Variants in ELF1 observed in about 807,000 individuals in gnomAD.
The protein encoded by ELF1 is E74 like ETS transcription factor 1.
A neutral mutation model predicts 59.9 loss-of-function variants in ELF1; 24 were observed. The ratio of observed to expected loss-of-function variants is 0.40; its 90% CI spans 0.29 to 0.56. The LOEUF (loss-of-function observed/expected upper bound fraction) is 0.56. ELF1 is among the 20% of genes least tolerant of loss of function. The probability of loss-of-function intolerance (pLI) is 0.44; values close to 1 mark genes in which losing one functional copy is unlikely to be tolerated. For missense variants in ELF1, 627 were observed against 742.2 expected (o/e 0.84, Z 1.80); for synonymous variants, 248 against 266.2 (o/e 0.93, Z 0.67).
intron 1 of ELF1, chr13:40,992,931 C>A: frequency 2.7e-6 from 2 of 734,182 alleles, no homozygotes; most frequent in South Asian, 3.1e-5. Context: ...ATCATTCTAG[C>A]CTTTTCTCTT....
At chr13:41,056,915 C>CCGAGACAAGGAT (rs1877305520) in intron 1 of ELF1, among the ~76,000 whole-genome samples, 1 of 152,030 alleles carries the variant, frequency 6.6e-6, no homozygotes, top group Admixed American at 6.6e-5. Flanking sequence ...AAACAAAACT[C>CCGAGACAAGGAT]CGAGACAAGG....
chr13:40,997,661 G>C (rs944603808), intron 1 of ELF1, among the ~76,000 whole-genome samples: 4 of 152,010 alleles, frequency 2.6e-5, no homozygotes, highest in African/African-American at 9.7e-5. Flanking sequence ...CCAAGTGCTG[G>C]GATTACAGGT....
At chr13:40,934,745 T>A (rs1869654321) in intron 8 of ELF1, among the ~76,000 whole-genome samples, 1 of 152,182 alleles carries the variant, frequency 6.6e-6, no homozygotes, top group South Asian at 2.1e-4. Context: ...TGAGAGATAA[T>A]GTTACCAACA....
chr13:40,956,453 C>A (rs1340647545), intron 3 of ELF1, among the ~76,000 whole-genome samples: 1 of 151,898 alleles, frequency 6.6e-6, no homozygotes, highest in Non-Finnish European at 1.5e-5. Context: ...GCAGGGTCCT[C>A]TGCCTAGGAA....
At position 40,989,248 on chromosome 13, in the gene ELF1, G is replaced by A. The variant is rs527923654; in HGVS notation, c.-228-6966C>T. ...AAAAAAGAATAGTCATACTTTCTCAGCTCCTGCTTTCTCTAAACCAGGTAC... is the reference window on the plus strand; with the variant it reads ...AAAAAAGAATAGTCATACTTTCTCAACTCCTGCTTTCTCTAAACCAGGTAC... On this transcript the variant is annotated intron_variant, in intron 1 of 8. Coordinates refer to ENST00000239882, the MANE Select transcript of ELF1 (RefSeq NM_172373.4). Among the ~76,000 whole-genome samples the A allele has an allele frequency of 1.3e-4, 20 of 152,270 alleles. No individual in the cohort carries two copies. In the East Asian group the frequency reaches 3.7e-3, roughly 28 times the overall value.
At chr13:40,947,174 T>C (rs1870559208) in intron 5 of ELF1, among the ~76,000 whole-genome samples, 2 of 151,104 alleles carry the variant, frequency 1.3e-5, no homozygotes, top group African/African-American at 4.9e-5. Flanking sequence ...TTATTTGCAG[T>C]TGCCCCAAAC....
intron 1 of ELF1, among the ~76,000 whole-genome samples, chr13:41,010,279 G>GAA (rs199811451): frequency 3.1e-5 from 4 of 128,924 alleles, no homozygotes; most frequent in African/African-American, 5.7e-5. Flanking sequence ...AGAAAGAAAG[G>GAA]AAAAAAAAAA....
At chr13:40,968,057 C>G (rs1255901466) in intron 2 of ELF1, among the ~76,000 whole-genome samples, 1 of 152,166 alleles carries the variant, frequency 6.6e-6, no homozygotes, top group African/African-American at 2.4e-5. Flanking sequence ...CAACATTTAG[C>G]TTCAACTAAA....
intron 1 of ELF1, among the ~76,000 whole-genome samples, chr13:41,034,058 A>C (rs1876276078): frequency 1.3e-5 from 2 of 152,210 alleles, no homozygotes. Context: ...TGAAAAATAA[A>C]ATGAAATTTT....
At chr13:40,990,837 C>T (rs9532695) in intron 1 of ELF1, among the ~76,000 whole-genome samples, 77,655 of 131,256 alleles carry the variant, frequency 0.59, 24,231 homozygotes, top group Middle Eastern at 0.71. Context: ...GGTGACAGAG[C>T]GAGACTCTGT....
rs547789809 is a variant in ELF1 at position 40,957,590 on chromosome 13, G to A, written c.253+1246C>T. Among the ~76,000 whole-genome samples, 28 of 151,932 alleles carry A rather than the reference G, an allele frequency of 1.8e-4. No homozygotes were observed. The South Asian group carries it at 5.4e-3, about 29-fold the overall frequency. On this transcript the variant is annotated intron_variant, in intron 3 of 8. Coordinates refer to ENST00000239882, the MANE Select transcript of ELF1 (RefSeq NM_172373.4). ...CTGTTCCTCCTGCTCCAGCCATGTA[G>A]GATGTGCCTGCTTCCCCTTCGCCTT... is the stretch of plus-strand genomic sequence containing the variant.
intron 1 of ELF1, among the ~76,000 whole-genome samples, chr13:41,047,559 G>A (rs915753218): frequency 2.0e-5 from 3 of 152,180 alleles, no homozygotes; most frequent in Admixed American, 1.3e-4. Flanking sequence ...GACCCTGTGT[G>A]CCCGGGTATC....
chr13:41,060,914 T>TGCCGCTGCTGCCGCTGCCGCCGCC (rs1555283652), exon 1 of ELF1: 3 of 335,536 alleles, frequency 8.9e-6, no homozygotes, highest in African/African-American at 6.8e-5. Flanking sequence ...AAGCTGCTGC[T>TGCCGCTGCTGCCGCTGCCGCCGCC]GCCGCCGCCG....
intron 1 of ELF1, among the ~76,000 whole-genome samples, chr13:40,995,695 T>C (rs947564144): frequency 6.6e-6 from 1 of 150,760 alleles, no homozygotes; most frequent in Admixed American, 6.6e-5. Context: ...ACACAGACCT[T>C]ATACCCTTCC....
At chr13:41,008,650 C>A (rs887207628) in intron 1 of ELF1, among the ~76,000 whole-genome samples, 2 of 151,706 alleles carry the variant, frequency 1.3e-5, no homozygotes, top group African/African-American at 4.8e-5. Context: ...AAAGTTCATT[C>A]ATAGGTTTTC....
At chr13:41,039,785 T>C (rs1876532063) in intron 1 of ELF1, among the ~76,000 whole-genome samples, 1 of 152,220 alleles carries the variant, frequency 6.6e-6, no homozygotes, top group Non-Finnish European at 1.5e-5. Context: ...GAGTACTCAT[T>C]ATAAAATTTC....
At chr13:40,956,502 T>C (rs1368477789) in intron 3 of ELF1, among the ~76,000 whole-genome samples, 1 of 148,084 alleles carries the variant, frequency 6.8e-6, no homozygotes, top group Non-Finnish European at 1.5e-5. Context: ...ACTTATCTGC[T>C]GACCTTCCCT....
At chr13:41,001,501 G>A (rs1239161209) in intron 1 of ELF1, among the ~76,000 whole-genome samples, 1 of 151,996 alleles carries the variant, frequency 6.6e-6, no homozygotes, top group Non-Finnish European at 1.5e-5. Flanking sequence ...AAAGCTGGAA[G>A]CACCACACTA....
intron 1 of ELF1, among the ~76,000 whole-genome samples, chr13:41,013,064 T>C (rs1387096564): frequency 6.6e-6 from 1 of 152,184 alleles, no homozygotes; most frequent in Non-Finnish European, 1.5e-5. Flanking sequence ...AATATATTGT[T>C]GTCTACAGCT....
Sources: gnomAD v4.1 joint callset for allele counts (sites outside exome capture counted in the v4.1 genomes callset) on GRCh38, gnomAD v4.1.1 for gene constraint, MANE v1.5 for transcripts, NCBI Gene and HGNC (gene_info 2026-07-23, HGNC 2026-07-21) for gene names.